TNNT3: variants seen among roughly 807,000 people sequenced by gnomAD.
The protein encoded by TNNT3 is troponin T3, fast skeletal type, also known as troponin T, fast skeletal muscle.
A neutral mutation model predicts 54.2 loss-of-function variants in TNNT3; 36 were observed. That is an observed-to-expected ratio of 0.66 (90% CI 0.51 to 0.88). The LOEUF (loss-of-function observed/expected upper bound fraction) is 0.88, where lower values mean the gene tolerates loss of function less well. TNNT3 is among the 40% of genes least tolerant of loss of function. The pLI, the probability that TNNT3 is intolerant of heterozygous loss-of-function variation, is 0.00. For missense variants in TNNT3, 291 were observed against 331.6 expected (o/e 0.88, Z 0.95); for synonymous variants, 120 against 109.7 (o/e 1.09, Z -0.59).
At position 1,933,938 on chromosome 11, in the gene TNNT3, G is replaced by A. The variant is rs76655120; in HGVS notation, c.296G>A (p.Arg99His). 16 of 1,612,804 alleles carry A rather than the reference G, an allele frequency of 9.9e-6. No homozygotes were observed. Among genetic ancestry groups the A allele is most frequent in the South Asian group, 4.4e-5 (4 of 91,080 alleles). ...LVALKERIEK[R>H]RAERAEQQRI... ...CCCCTTCTCTGGCTGCAGGAGAAGCGCCGTGCAGAGAGAGCGGAGCAGCAG... is the reference window on the plus strand; with the variant it reads ...CCCCTTCTCTGGCTGCAGGAGAAGCACCGTGCAGAGAGAGCGGAGCAGCAG... Residue 99 changes from arginine (R) to histidine (H), a missense_variant, in exon 11 of 16, where the codon CGC becomes CAC. Physicochemically the swap from Arg to His is conservative, Grantham distance 29 (BLOSUM62 0). Transcript: ENST00000278317.
At chr11:1,925,304 C>A (rs780625858) in intron 5 of TNNT3, 188 bp downstream of exon 5, 2 of 1,583,186 alleles carry the variant, frequency 1.3e-6, no homozygotes, top group South Asian at 1.2e-5. Context: ...TTCTTGTCCC[C>A]ATGTGGGGCC....
In TNNT3 at chr11:1,924,971, C is replaced by G. The variant is rs1374797232; in HGVS notation, c.50-128C>G. ...CCATCTTTCACCCCTGCCAAGCGAG[C>G]CCCAGGCCCTCTTCTCCCGGCCAGC... On this transcript the variant is annotated intron_variant, in intron 4 of 15. Coordinates refer to ENST00000278317, the MANE Select transcript of TNNT3 (RefSeq NM_006757.4). 9.7e-6 allele frequency: 10 copies of G among 1,036,070 alleles called. No homozygotes were observed. The East Asian group carries it at 2.3e-4, about 23-fold the overall frequency. The allele number at this position is 1,036,070 out of a possible 1,614,324, so 64.2% of individuals were successfully genotyped here. A position where few individuals can be genotyped will look rare whatever the true frequency, so the allele number is the denominator to read the frequency against.
Position 1,934,748 on chromosome 11 carries a change from A to C in TNNT3, c.591-81A>C, listed in dbSNP as rs936669037. 17 of 1,594,184 alleles carry C rather than the reference A, an allele frequency of 1.1e-5. No individual in the cohort carries two copies. The South Asian group carries it at 1.9e-4, about 18-fold the overall frequency. On this transcript the variant is annotated intron_variant, in intron 13 of 15. Coordinates refer to ENST00000278317, the MANE Select transcript of TNNT3 (RefSeq NM_006757.4). ...CAGGCTGCCAAGGACCGTGCTCCCC[A>C]GTGGCTGCAGGAGGACTCCAGGGGC...
chr11:1,934,801 C>T (rs1006744968), intron 13 of TNNT3, 28 bp from the exon 14 acceptor site: 9 of 1,609,748 alleles, frequency 5.6e-6, no homozygotes, highest in East Asian at 2.2e-5. Flanking sequence ...GCTTATTCAA[C>T]GAAGCCTCAC....
At chr11:1,936,916 G>T in intron 14 of TNNT3, 47 bp from the exon 15 acceptor site, 2 of 1,576,212 alleles carry the variant, frequency 1.3e-6, no homozygotes, top group East Asian at 2.3e-5. Flanking sequence ...AGTACACGCA[G>T]GCCTGGCCCT....
intron 9 of TNNT3, among the ~76,000 whole-genome samples, chr11:1,932,950 A>G (rs1853847396): frequency 1.1e-5 from 1 of 94,244 alleles, no homozygotes; most frequent in Non-Finnish European, 2.4e-5. Flanking sequence ...CCAACCACCC[A>G]TTCATACACT....
rs778900138 is a variant in TNNT3 at position 1,934,829 on chromosome 11, G to A, written c.591G>A (p.Arg197=). Residue 197 remains arginine (R), a splice_region_variant and synonymous_variant, in exon 14 of 16, where the codon AGG becomes AGA. Transcript: ENST00000278317. ...NIDHLGEDKL[R]DKAKELWETL... is the part of the protein sequence containing the mutation. ...AGCCTCACCACTTCCTCTGCCCCAG[G>A]GACAAGGCCAAGGAGCTCTGGGAGA... 8.7e-6 allele frequency: 14 copies of A among 1,613,362 alleles called. No individual in the cohort carries two copies. In the East Asian group the frequency reaches 3.1e-4, roughly 36 times the overall value.
At chr11:1,925,305 A>C in intron 5 of TNNT3, 189 bp downstream of exon 5, 2 of 1,533,740 alleles carry the variant, frequency 1.3e-6, no homozygotes, top group Non-Finnish European at 1.8e-6. Context: ...TCTTGTCCCC[A>C]TGTGGGGCCC....
intron 6 of TNNT3, 117 bp downstream of exon 6, chr11:1,926,826 C>A: frequency 7.3e-7 from 1 of 1,378,216 alleles, no homozygotes; most frequent in Non-Finnish European, 1.0e-6. Context: ...TGAACCCGTT[C>A]TGGCCTCTGG....
At chr11:1,930,018 C>A (rs1440900145) in intron 8 of TNNT3, among the ~76,000 whole-genome samples, 190 bp downstream of exon 8, 1 of 152,180 alleles carries the variant, frequency 6.6e-6, no homozygotes, top group Admixed American at 6.5e-5. Flanking sequence ...GGGCCAGGGC[C>A]AGATGCCTGG....
At chr11:1,925,910 A>T (rs1196183591) in intron 5 of TNNT3, among the ~76,000 whole-genome samples, 3 of 152,104 alleles carry the variant, frequency 2.0e-5, no homozygotes, top group South Asian at 2.1e-4. Context: ...GCACCCTTGG[A>T]GGGTGGAAAG....
chr11:1,925,306 T>G (rs769061698), intron 5 of TNNT3, 190 bp downstream of exon 5: 1 of 1,579,824 alleles, frequency 6.3e-7, no homozygotes, highest in East Asian at 2.3e-5. Flanking sequence ...CTTGTCCCCA[T>G]GTGGGGCCCG....
At position 1,932,529 on chromosome 11, in the gene TNNT3, C is replaced by A; in HGVS notation, c.171+15C>A. 6.2e-7 allele frequency: 1 copy of A among 1,613,228 alleles called. No individual in the cohort carries two copies. ...TGGACTTCGATGTAAGTTTACAGGA[C>A]TCTGGTTAACATGTCCACGGTTTCC... On this transcript the variant is annotated intron_variant, in intron 9 of 15. Transcript: ENST00000278317.
chr11:1,938,604 C>G lies in TNNT3; in HGVS notation c.*112C>G, dbSNP rs900876796. 2.9e-5 allele frequency: 35 copies of G among 1,188,030 alleles called. No individual in the cohort carries two copies. Among genetic ancestry groups the G allele is most frequent in the Non-Finnish European group, 4.2e-5 (34 of 812,936 alleles). The allele number at this position is 1,188,030 out of a possible 1,614,324, so 73.6% of individuals were successfully genotyped here. A position where few individuals can be genotyped will look rare whatever the true frequency, so the allele number is the denominator to read the frequency against. ...CACAATCCTGTCAGGGGCTCCCTGA[C>G]AGTCCTGGGGGTGGAGAGGCCATCC... On this transcript the variant is annotated 3_prime_UTR_variant, in exon 16 of 16. Transcript: ENST00000278317.
intron 1 of TNNT3, among the ~76,000 whole-genome samples, chr11:1,920,978 C>G: frequency 6.6e-6 from 1 of 152,172 alleles, no homozygotes; most frequent in East Asian, 1.9e-4. Context: ...GCCTTTCCAG[C>G]GCACGTCGGG....
At chr11:1,921,427 C>G (rs373414935) in intron 1 of TNNT3, 2 of 152,674 alleles carry the variant, frequency 1.3e-5, no homozygotes, top group Non-Finnish European at 2.9e-5. Flanking sequence ...GCACGAGGGG[C>G]TGGTGGGCAG....
At chr11:1,934,184 C>T in intron 11 of TNNT3, 148 bp from the exon 12 acceptor site, 1 of 1,056,830 alleles carries the variant, frequency 9.5e-7, no homozygotes, top group Non-Finnish European at 1.4e-6. Flanking sequence ...CAAATCCTGG[C>T]CAAGACCTGG....
rs532453659 is a variant in TNNT3 at position 1,921,977 on chromosome 11, A to T, written c.-18-880A>T. 8.2e-4 allele frequency among the ~76,000 whole-genome samples: 125 copies of T among 152,286 alleles called. 1 individual carries two copies. The highest frequency in any genetic ancestry group is 2.9e-3 in the African/African-American group (120 of 41,560). ...ACAGGGCAGCCAGTCCTGGGCATGG[A>T]GCTTCCCCTAGACAGGGACAGATCC... is the stretch of plus-strand genomic sequence containing the variant. On this transcript the variant is annotated intron_variant, in intron 1 of 15. Transcript: ENST00000278317.
At chr11:1,928,932 C>T in intron 6 of TNNT3, 188 bp from the exon 7 acceptor site, 1 of 711,624 alleles carries the variant, frequency 1.4e-6, no homozygotes, top group East Asian at 2.7e-5. Flanking sequence ...CCACCCCCTC[C>T]CCAGGCATTG....
Sources: gnomAD v4.1 joint callset for allele counts (sites outside exome capture counted in the v4.1 genomes callset) on GRCh38, gnomAD v4.1.1 for gene constraint, MANE v1.5 for transcripts, NCBI Gene and HGNC (gene_info 2026-07-23, HGNC 2026-07-21) for gene names.